Variants in CALHM4 observed in about 807,000 individuals in gnomAD.
The protein encoded by CALHM4 is calcium homeostasis modulator family member 4, also known as calcium homeostasis modulator protein 4.
In CALHM4, 16 loss-of-function variants were observed where a neutral mutation model predicts 13.3. The observed-to-expected ratio is 1.20, with a 90% CI of 0.81 to 1.82. The LOEUF (loss-of-function observed/expected upper bound fraction) is 1.82. CALHM4 is among the 40% of genes most tolerant of loss of function. The pLI, the probability that CALHM4 is intolerant of heterozygous loss-of-function variation, is 0.00. For missense variants in CALHM4, 344 were observed against 374.9 expected (o/e 0.92, Z 0.68); for synonymous variants, 127 against 137.1 (o/e 0.93, Z 0.52).
chr6:116,545,048 C>G (rs911972402), intron 2 of CALHM4, among the ~76,000 whole-genome samples: 1 of 151,432 alleles, frequency 6.6e-6, no homozygotes, highest in Non-Finnish European at 1.5e-5. Flanking sequence ...AAAGGCAATC[C>G]TTTTTTGATG....
intron 2 of CALHM4, among the ~76,000 whole-genome samples, chr6:116,547,608 C>G (rs144178398): frequency 6.6e-6 from 1 of 152,162 alleles, no homozygotes. Flanking sequence ...TTCAGCAGCT[C>G]TTAGGATGCA....
At chr6:116,556,307 C>T (rs1774313291) in intron 1 of CALHM4, among the ~76,000 whole-genome samples, 1 of 152,140 alleles carries the variant, frequency 6.6e-6, no homozygotes, top group South Asian at 2.1e-4. Context: ...TCATTTGTCT[C>T]CTTTTTTAGG....
intron 1 of CALHM4, among the ~76,000 whole-genome samples, chr6:116,533,684 TC>T (rs1268334774): frequency 6.6e-6 from 1 of 152,216 alleles, no homozygotes; most frequent in African/African-American, 2.4e-5. Flanking sequence ...ACGCTAGAGC[TC>T]CATCATGCAG....
chr6:116,530,498 G>A (rs918312933), intron 1 of CALHM4, among the ~76,000 whole-genome samples: 3 of 152,068 alleles, frequency 2.0e-5, no homozygotes, highest in African/African-American at 7.2e-5. Flanking sequence ...AAGTTCAAAG[G>A]GAAACCTAAT....
chr6:116,545,834 T>C (rs931017266), intron 2 of CALHM4, among the ~76,000 whole-genome samples: 12 of 152,196 alleles, frequency 7.9e-5, no homozygotes, highest in Admixed American at 4.6e-4. Flanking sequence ...CTCAAAAAAT[T>C]CTTTAGCCCG....
chr6:116,533,704 C>T (rs575284071), intron 1 of CALHM4, among the ~76,000 whole-genome samples: 78 of 152,304 alleles, frequency 5.1e-4, no homozygotes, highest in African/African-American at 1.6e-3. Context: ...AGACATTTCT[C>T]CTTGGCCAGA....
chr6:116,550,023 T>C (rs3932484), upstream of CALHM4, among the ~76,000 whole-genome samples: 35,796 of 95,074 alleles, frequency 0.38, 6,710 homozygotes, highest in Middle Eastern at 0.54. Context: ...TATATATATA[T>C]ATACACACAC....
intron 1 of CALHM4, chr6:116,543,412 G>T: frequency 1.3e-6 from 2 of 1,543,516 alleles, no homozygotes; most frequent in Non-Finnish European, 1.8e-6. Context: ...TGGAGAAAAA[G>T]GGGTAGTTTC....
upstream of CALHM4, among the ~76,000 whole-genome samples, chr6:116,551,168 C>A (rs989840409): frequency 6.6e-6 from 1 of 152,140 alleles, no homozygotes; most frequent in Non-Finnish European, 1.5e-5. Context: ...ACCCCCGTGA[C>A]CTTATGTGGC....
Position 116,558,182 on chromosome 6 carries a change from A to G in CALHM4, c.916A>G (p.Arg306Gly), listed in dbSNP as rs898699157. ...NRVDEDNEED[R>G]SRGIELKP Reference sequence around the variant, plus strand: ...GGTGGATGAGGATAATGAGGAAGACAGATCAAGAGGTATTGAATTAAAACC... The same window carrying G: ...GGTGGATGAGGATAATGAGGAAGACGGATCAAGAGGTATTGAATTAAAACC... Residue 306 changes from arginine (R) to glycine (G), a missense_variant, in exon 2 of 2, where the codon AGA becomes GGA. Transcript: ENST00000368596. 3.1e-6 allele frequency: 5 copies of G among 1,613,458 alleles called. No individual in the cohort carries two copies. The Admixed American group carries it at 8.3e-5, about 27-fold the overall frequency.
chr6:116,534,342 T>C (rs535419326), intron 1 of CALHM4, among the ~76,000 whole-genome samples: 13 of 152,232 alleles, frequency 8.5e-5, no homozygotes, highest in Non-Finnish European at 7.3e-5. Context: ...ATTGGAAATC[T>C]ATAGCCCTCA....
At chr6:116,543,853 C>T in exon 2 of CALHM4, 1 of 1,533,658 alleles carries the variant, frequency 6.5e-7, no homozygotes. Flanking sequence ...CAGGATAAAC[C>T]CAAATGTAGC....
chr6:116,550,281 A>G (rs528915847), upstream of CALHM4, among the ~76,000 whole-genome samples: 3 of 152,144 alleles, frequency 2.0e-5, no homozygotes, highest in East Asian at 1.9e-4. Flanking sequence ...CGTAAGCAGC[A>G]TGACTCTATT....
chr6:116,558,415 G>A lies in CALHM4; in HGVS notation c.*204G>A. On this transcript the variant is annotated 3_prime_UTR_variant, in exon 2 of 2. Coordinates refer to ENST00000368596, the MANE Select transcript of CALHM4 (RefSeq NM_001366078.2). ...CATTTTGAAATTTTGCCAATGGTCTGGTAATGCCTAGAGTGGAATGTGAAG... is the reference window on the plus strand; with the variant it reads ...CATTTTGAAATTTTGCCAATGGTCTAGTAATGCCTAGAGTGGAATGTGAAG... 1.8e-6 allele frequency: 1 copy of A among 566,508 alleles called. No homozygotes were observed. Among genetic ancestry groups the A allele is most frequent in the Non-Finnish European group, 3.0e-6 (1 of 338,910 alleles). 35.1% of individuals were successfully genotyped at this position (566,508 alleles called of 1,614,324 possible). A position where few individuals can be genotyped will look rare whatever the true frequency, so the allele number is the denominator to read the frequency against.
chr6:116,545,940 G>A (rs1021435777), intron 2 of CALHM4, among the ~76,000 whole-genome samples: 3 of 152,152 alleles, frequency 2.0e-5, no homozygotes, highest in African/African-American at 7.2e-5. Context: ...CTAAATGTTA[G>A]CATTATTCAG....
intron 1 of CALHM4, among the ~76,000 whole-genome samples, chr6:116,539,291 T>C (rs1773287341): frequency 6.6e-6 from 1 of 152,218 alleles, no homozygotes; most frequent in Admixed American, 6.5e-5. Context: ...GGGACTTTTT[T>C]CCCCAGCCTG....
chr6:116,556,549 C>A (rs1234081451), intron 1 of CALHM4, among the ~76,000 whole-genome samples: 1 of 152,122 alleles, frequency 6.6e-6, no homozygotes, highest in African/African-American at 2.4e-5. Context: ...TACAACTATC[C>A]CACTGTGCAC....
Position 116,557,812 on chromosome 6 carries a change from T to C in CALHM4, c.559-13T>C. On this transcript the variant is annotated splice_polypyrimidine_tract_variant and intron_variant, in intron 1 of 1. Transcript: ENST00000368596. ...TGATACTTCCTGTTTTTCTTTTTAA[T>C]AATGATGTGAAGATGCTGGGTTGGA... The C allele has an allele frequency of 6.2e-7, 1 of 1,602,616 alleles. No homozygotes were observed. The highest frequency in any genetic ancestry group is 1.1e-5 in the South Asian group (1 of 90,068).
At chr6:116,542,497 T>C (rs1773526892) in intron 1 of CALHM4, among the ~76,000 whole-genome samples, 1 of 152,158 alleles carries the variant, frequency 6.6e-6, no homozygotes. Context: ...TCAATCTGCC[T>C]AGATAAATCT....
Sources: allele counts gnomAD v4.1 joint callset (sites outside exome capture counted in the v4.1 genomes callset), GRCh38; gene constraint gnomAD v4.1.1; transcripts MANE v1.5; gene names NCBI Gene and HGNC (gene_info 2026-07-23, HGNC 2026-07-21).